The following RPAP3 variants were observed in gnomAD, a reference collection of about 807,000 sequenced individuals.
RPAP3 encodes the protein RNA polymerase II-associated protein 3.
Under a neutral mutation model 88.8 loss-of-function variants are expected in RPAP3, and 58 were observed. That is an observed-to-expected ratio of 0.65 (90% CI 0.53 to 0.81). RPAP3 has a LOEUF of 0.81. Among genes scored for constraint, RPAP3 ranks in the 40% least tolerant of loss-of-function variants. RPAP3 has a pLI of 0.00. For synonymous variants in RPAP3, 255 were observed against 259.9 expected (o/e 0.98, Z 0.18); for missense variants, 751 against 764.3 (o/e 0.98, Z 0.20).
At chr12:47,695,447 T>G (rs368289062) in intron 5 of RPAP3, among the ~76,000 whole-genome samples, 1 of 152,016 alleles carries the variant, frequency 6.6e-6, no homozygotes, top group Non-Finnish European at 1.5e-5. Context: ...TAATTCAAGA[T>G]AGTGGTTAAC....
chr12:47,673,683 G>C (rs926177948), intron 12 of RPAP3, among the ~76,000 whole-genome samples: 2 of 152,036 alleles, frequency 1.3e-5, no homozygotes, highest in Non-Finnish European at 2.9e-5. Flanking sequence ...GTTTAAGAGG[G>C]CAGGAAGAGG....
At chr12:47,677,400 A>G (rs1174540780) in intron 12 of RPAP3, among the ~76,000 whole-genome samples, 2 of 152,210 alleles carry the variant, frequency 1.3e-5, no homozygotes, top group Admixed American at 6.5e-5. Context: ...CAGGGCAATC[A>G]GGCAAGAGAA....
intron 1 of RPAP3, 102 bp from the exon 2 acceptor site, chr12:47,702,948 G>A (rs1466642917): frequency 2.6e-6 from 2 of 776,858 alleles, no homozygotes; most frequent in East Asian, 2.8e-5. Context: ...AAGTGGCCAA[G>A]ATACATGGAC....
chr12:47,692,128 T>TA (rs1939441004), intron 5 of RPAP3, among the ~76,000 whole-genome samples: 2 of 152,088 alleles, frequency 1.3e-5, no homozygotes, highest in Non-Finnish European at 2.9e-5. Context: ...AGAGTAGATT[T>TA]AGCATAATTC....
Position 47,669,005 on chromosome 12 carries a change from G to A in RPAP3, c.1624C>T (p.Leu542Phe), listed in dbSNP as rs563331115. 19 of 1,613,894 alleles carry A rather than the reference G, an allele frequency of 1.2e-5. No homozygotes were observed. The African/African-American group carries it at 2.1e-4, about 18-fold the overall frequency. Residue 542 changes from leucine (L) to phenylalanine (F), a missense_variant, in exon 14 of 17, where the codon CTT (leucine) becomes TTT (phenylalanine). Leu to Phe is a conservative substitution (Grantham distance 22). Transcript: ENST00000005386. ...QKPAQFATTVLPPIPANSFQL... is the reference protein window; with the variant it reads ...QKPAQFATTVFPPIPANSFQL... ...AACGAGTTTGCAGGAATTGGAGGAA[G>A]AACAGTTGTGGCAAACTGAGCAGGT...
chr12:47,668,865 A>C, intron 14 of RPAP3, 51 bp downstream of exon 14: 1 of 1,381,834 alleles, frequency 7.2e-7, no homozygotes, highest in Non-Finnish European at 1.0e-6. Flanking sequence ...AAGTGACAGA[A>C]GTTCTCTGAC....
intron 1 of RPAP3, among the ~76,000 whole-genome samples, chr12:47,705,584 G>A (rs918051316): frequency 6.6e-6 from 1 of 152,204 alleles, no homozygotes; most frequent in Non-Finnish European, 1.5e-5. Flanking sequence ...AGCGCTGGGG[G>A]TATCACTTTC....
chr12:47,700,213 T>A (rs1939630251), intron 3 of RPAP3: 1 of 152,052 alleles, frequency 6.6e-6, no homozygotes, highest in Non-Finnish European at 1.5e-5. Flanking sequence ...TTGGACTTGA[T>A]GCACATTATA....
Position 47,697,715 on chromosome 12 carries a change from C to A in RPAP3, c.299G>T (p.Arg100Leu). 1 of 1,589,498 alleles carries A rather than the reference C, an allele frequency of 6.3e-7. No homozygotes were observed. The highest frequency in any genetic ancestry group is 8.5e-7 in the Non-Finnish European group (1 of 1,172,126). ...GTCTTTGTCAAGCTCATCAAGGATA[C>A]GGTCCTAAAATCAAAAGACGGAAAA... ...YEAWAKLDVD[R>L]ILDELDKDDS... Residue 100 changes from arginine to leucine, a missense_variant, in exon 4 of 17, where the codon CGT (arginine) becomes CTT (leucine). By Grantham distance (102) the Arg-to-Leu change is moderately radical (BLOSUM62 -2). Coordinates refer to ENST00000005386, the MANE Select transcript of RPAP3 (RefSeq NM_024604.3).
Position 47,670,349 on chromosome 12 carries a change from A to C in RPAP3, c.1288-4T>G. 1 of 1,497,844 alleles carries C rather than the reference A, an allele frequency of 6.7e-7. No homozygotes were observed. Among genetic ancestry groups the C allele is most frequent in the South Asian group, 1.2e-5 (1 of 85,830 alleles). The allele number at this position is 1,497,844 out of a possible 1,614,324, so 92.8% of individuals were successfully genotyped here. On this transcript the variant is annotated splice_polypyrimidine_tract_variant and splice_region_variant and intron_variant, in intron 12 of 16. Transcript: ENST00000005386. ...TAATAACCTTCTTGAGTGGTTTCTA[A>C]AACAATTAAAATCAATTCCTTAAAT...
At chr12:47,694,929 A>G (rs1411249167) in intron 5 of RPAP3, among the ~76,000 whole-genome samples, 1 of 152,160 alleles carries the variant, frequency 6.6e-6, no homozygotes, top group Admixed American at 6.5e-5. Context: ...GAGAATGTAA[A>G]CTCATCCATT....
rs756126888 is a variant in RPAP3 at position 47,686,840 on chromosome 12, G to A, written c.932C>T (p.Ala311Val). Residue 311 changes from alanine (A) to valine (V), a missense_variant, in exon 9 of 17, where the codon GCA becomes GTA. By Grantham distance (64) the Ala-to-Val change is moderately conservative (BLOSUM62 0). Transcript: ENST00000005386. ...AIECYTRGIA[A>V]DGANALLPAN... is the part of the protein sequence containing the mutation. ...TGGAAGAAGGGCATTAGCACCATCT[G>A]CTGCTATCCCTCGAGTATAGCATTC... The A allele has an allele frequency of 4.7e-5, 75 of 1,604,506 alleles. 1 individual carries two copies. In the South Asian group the frequency reaches 8.2e-4, roughly 18 times the overall value.
At chr12:47,686,688 A>G in intron 9 of RPAP3, 92 bp downstream of exon 9, 1 of 1,003,434 alleles carries the variant, frequency 1.0e-6, no homozygotes, top group Non-Finnish European at 1.4e-6. Flanking sequence ...CTAACACGCC[A>G]TAATTGGCAT....
chr12:47,688,332 G>C (rs867813840), intron 7 of RPAP3, among the ~76,000 whole-genome samples: 1 of 150,168 alleles, frequency 6.7e-6, no homozygotes, highest in Non-Finnish European at 1.5e-5. Flanking sequence ...CTGTTGGGGA[G>C]AGAAACATTG....
chr12:47,686,960 A>C, intron 8 of RPAP3, 53 bp from the exon 9 acceptor site: 1 of 1,097,042 alleles, frequency 9.1e-7, no homozygotes, highest in Non-Finnish European at 1.3e-6. Flanking sequence ...CAAAAAAAAT[A>C]AATGAATTCA....
intron 8 of RPAP3, 133 bp downstream of exon 8, chr12:47,687,743 A>T: frequency 1.0e-6 from 1 of 984,486 alleles, no homozygotes; most frequent in Non-Finnish European, 1.4e-6. Context: ...CAGAGGCTTT[A>T]GTGCATTTAA....
intron 12 of RPAP3, among the ~76,000 whole-genome samples, chr12:47,677,849 T>C (rs1421970492): frequency 6.6e-6 from 1 of 151,992 alleles, no homozygotes; most frequent in Non-Finnish European, 1.5e-5. Context: ...TTCAATGCCA[T>C]CCCCATCAAG....
intron 3 of RPAP3, among the ~76,000 whole-genome samples, chr12:47,698,359 C>T (rs1161670962): frequency 6.6e-6 from 1 of 151,898 alleles, no homozygotes; most frequent in African/African-American, 2.4e-5. Flanking sequence ...ATATAGCTGC[C>T]TCTACTAAAG....
chr12:47,680,974 A>G (rs1382176288), intron 10 of RPAP3, among the ~76,000 whole-genome samples: 1 of 134,168 alleles, frequency 7.5e-6, no homozygotes, highest in Non-Finnish European at 1.6e-5. Context: ...AAAACGAAAC[A>G]AAAAAAAAAA....
Sources: allele counts gnomAD v4.1 joint callset (sites outside exome capture counted in the v4.1 genomes callset), GRCh38; gene constraint gnomAD v4.1.1; transcripts MANE v1.5; gene names NCBI Gene and HGNC (gene_info 2026-07-23, HGNC 2026-07-21).